The following EBF1 variants were observed in gnomAD, a reference collection of about 807,000 sequenced individuals.
The protein encoded by EBF1 is transcription factor COE1.
EBF1 carries 10 observed loss-of-function variants against 68.4 expected under a neutral mutation model. The observed-to-expected ratio is 0.15, with a 90% CI of 0.09 to 0.25. The LOEUF is 0.25. Ranked by LOEUF, EBF1 falls within the 10% of genes least tolerant of loss-of-function variation. The pLI is 1.00. For missense variants in EBF1, 509 were observed against 794.4 expected (o/e 0.64, Z 4.32); for synonymous variants, 298 against 299.8 (o/e 0.99, Z 0.06).
intron 6 of EBF1, among the ~76,000 whole-genome samples, chr5:158,846,033 C>G (rs1400717610): frequency 7.2e-5 from 11 of 152,184 alleles, no homozygotes; most frequent in Non-Finnish European, 1.5e-4. Flanking sequence ...TGCATCAAGG[C>G]ACACCTAAAC....
intron 6 of EBF1, among the ~76,000 whole-genome samples, chr5:159,019,697 A>C (rs1766294014): frequency 6.6e-6 from 1 of 152,244 alleles, no homozygotes; most frequent in South Asian, 2.1e-4. Context: ...GTTTCTCACT[A>C]AGAAGTGTCT....
At chr5:158,877,921 C>G (rs1051691574) in intron 6 of EBF1, among the ~76,000 whole-genome samples, 1 of 151,746 alleles carries the variant, frequency 6.6e-6, no homozygotes, top group Admixed American at 6.6e-5. Flanking sequence ...GCAAAACCAG[C>G]AAGGAATAGA....
intron 6 of EBF1, among the ~76,000 whole-genome samples, chr5:158,906,674 A>G (rs966621394): frequency 6.6e-6 from 1 of 152,244 alleles, no homozygotes; most frequent in African/African-American, 2.4e-5. Flanking sequence ...ATGGAAAAAG[A>G]TGACAGAGAT....
intron 10 of EBF1, among the ~76,000 whole-genome samples, chr5:158,756,746 A>G (rs1770196083): frequency 6.6e-6 from 1 of 151,950 alleles, no homozygotes; most frequent in Non-Finnish European, 1.5e-5. Flanking sequence ...AAATGAATTA[A>G]CTAAATAATG....
chr5:158,766,423 A>C (rs919840882), intron 10 of EBF1, among the ~76,000 whole-genome samples: 1 of 152,206 alleles, frequency 6.6e-6, no homozygotes, highest in Non-Finnish European at 1.5e-5. Flanking sequence ...CAAAATGCAG[A>C]AGTTGTATTT....
chr5:158,878,790 T>C, intron 6 of EBF1, among the ~76,000 whole-genome samples: 1 of 151,984 alleles, frequency 6.6e-6, no homozygotes, highest in East Asian at 1.9e-4. Context: ...ATTACAGGGA[T>C]GTGCCACGGT....
At chr5:158,926,277 G>C (rs995639143) in intron 6 of EBF1, among the ~76,000 whole-genome samples, 1 of 152,032 alleles carries the variant, frequency 6.6e-6, no homozygotes, top group African/African-American at 2.4e-5. Context: ...TAGCGCATTT[G>C]TTATATCTTA....
intron 6 of EBF1, among the ~76,000 whole-genome samples, chr5:159,064,035 T>G (rs1776312156): frequency 6.6e-6 from 1 of 152,184 alleles, no homozygotes; most frequent in Non-Finnish European, 1.5e-5. Context: ...GATTTCTGTA[T>G]GGATTACTGA....
chr5:158,816,392 A>G (rs1357946962), intron 8 of EBF1, among the ~76,000 whole-genome samples: 3 of 152,240 alleles, frequency 2.0e-5, no homozygotes, highest in Non-Finnish European at 4.4e-5. Flanking sequence ...CACATGGACA[A>G]GTACAAAGAG....
intron 6 of EBF1, among the ~76,000 whole-genome samples, chr5:158,951,707 A>G (rs891914744): frequency 6.6e-6 from 1 of 152,172 alleles, no homozygotes; most frequent in African/African-American, 2.4e-5. Flanking sequence ...TGATTCTCTG[A>G]TTGGGACCAA....
chr5:158,751,768 T>C (rs1323665555), intron 10 of EBF1, among the ~76,000 whole-genome samples: 1 of 152,244 alleles, frequency 6.6e-6, no homozygotes, highest in Middle Eastern at 3.4e-3. Context: ...ATTAAATGAA[T>C]ACATCTTTAA....
At chr5:158,886,974 C>T (rs1410315028) in intron 6 of EBF1, among the ~76,000 whole-genome samples, 1 of 152,060 alleles carries the variant, frequency 6.6e-6, no homozygotes, top group Non-Finnish European at 1.5e-5. Context: ...TGCACTCCAG[C>T]CTGGGCAACA....
intron 6 of EBF1, among the ~76,000 whole-genome samples, chr5:158,973,664 C>A (rs1756120745): frequency 6.6e-6 from 1 of 152,196 alleles, no homozygotes; most frequent in Non-Finnish European, 1.5e-5. Flanking sequence ...ACCCTATTAT[C>A]ATTATACCCC....
At chr5:159,068,342 C>T (rs191089101) in intron 6 of EBF1, among the ~76,000 whole-genome samples, 3 of 151,616 alleles carry the variant, frequency 2.0e-5, no homozygotes, top group Admixed American at 1.3e-4. Flanking sequence ...ATACCACACC[C>T]GACCCAATGG....
intron 6 of EBF1, among the ~76,000 whole-genome samples, chr5:158,916,451 T>G (rs999098115): frequency 5.9e-5 from 9 of 152,218 alleles, no homozygotes; most frequent in Non-Finnish European, 1.3e-4. Flanking sequence ...AAAAATAGCA[T>G]GTACAATTTA....
Position 158,698,952 on chromosome 5 carries a change from T to C in EBF1, c.*159A>G, listed in dbSNP as rs1174462565. 1.8e-6 allele frequency: 1 copy of C among 567,996 alleles called. No individual in the cohort carries two copies. Among genetic ancestry groups the C allele is most frequent in the Non-Finnish European group, 2.9e-6 (1 of 346,676 alleles). 35.2% of individuals were successfully genotyped at this position (567,996 alleles called of 1,614,324 possible). Reference sequence around the variant, plus strand: ...GCAGATCCCTCTTCCAATTTCAGTATTTGCAAGGTCGGTGATTTTGTTTGT... The same window carrying C: ...GCAGATCCCTCTTCCAATTTCAGTACTTGCAAGGTCGGTGATTTTGTTTGT... On this transcript the variant is annotated 3_prime_UTR_variant, in exon 16 of 16. Transcript: ENST00000313708.
chr5:158,811,174 C>T (rs921857952), intron 8 of EBF1, among the ~76,000 whole-genome samples: 2 of 152,126 alleles, frequency 1.3e-5, no homozygotes, highest in East Asian at 1.9e-4. Flanking sequence ...GATAGTGTGA[C>T]GTGATACCAG....
At position 158,730,438 on chromosome 5, in the gene EBF1, A is replaced by G. The variant is rs146496039; in HGVS notation, c.1125+631T>C. Among the ~76,000 whole-genome samples, 24 of 152,336 alleles carry G rather than the reference A, an allele frequency of 1.6e-4. No homozygotes were observed. The East Asian group carries it at 4.6e-3, about 29-fold the overall frequency. On this transcript the variant is annotated intron_variant, in intron 11 of 15. Coordinates refer to ENST00000313708, the MANE Select transcript of EBF1 (RefSeq NM_024007.5). ...TAAAGGTCAGTTTCCTTCTTTCTGCACTGGCAATTAATGATGTATTGGTGA... is the reference window on the plus strand; with the variant it reads ...TAAAGGTCAGTTTCCTTCTTTCTGCGCTGGCAATTAATGATGTATTGGTGA...
Position 158,862,411 on chromosome 5 carries a change from A to G in EBF1, c.555-22301T>C, listed in dbSNP as rs563333403. Among the ~76,000 whole-genome samples the G allele has an allele frequency of 8.5e-5, 13 of 152,320 alleles. No homozygotes were observed. In the South Asian group the frequency reaches 2.5e-3, roughly 29 times the overall value. On this transcript the variant is annotated intron_variant, in intron 6 of 15. Transcript: ENST00000313708. ...GTGAAGCAAGCAGCACATATTGCAT[A>G]TCCATGATCCAACCTGTCTTCACCT...
Sources: gnomAD v4.1 joint callset for allele counts (sites outside exome capture counted in the v4.1 genomes callset) on GRCh38, gnomAD v4.1.1 for gene constraint, MANE v1.5 for transcripts, NCBI Gene and HGNC (gene_info 2026-07-23, HGNC 2026-07-21) for gene names.